Variants in ANKIB1 observed in about 807,000 individuals in gnomAD.
ANKIB1 encodes ankyrin repeat and IBR domain-containing protein 1.
Under a neutral mutation model 122.1 loss-of-function variants are expected in ANKIB1, and 43 were observed. The ratio of observed to expected loss-of-function variants is 0.35; its 90% confidence interval spans 0.28 to 0.45. The LOEUF (loss-of-function observed/expected upper bound fraction) is 0.45. Among genes scored for constraint, ANKIB1 ranks in the 20% least tolerant of loss-of-function variants. The pLI, the probability that ANKIB1 is intolerant of heterozygous loss-of-function variation, is 1.00. For missense variants in ANKIB1, 992 were observed against 1,329.5 expected, an observed-to-expected ratio of 0.75 and a Z score of 3.95; for synonymous variants, 390 against 442.0, an observed-to-expected ratio of 0.88 and a Z score of 1.48.
At position 92,398,604 on chromosome 7, in the gene ANKIB1, T is replaced by A; in HGVS notation, c.2925T>A (p.Ala975=). ...ACAATCTTCTCGGCAACATCATGGC[T>A]TGGTTTCATGACATGAACCCTCAGA... ...INDNLLGNIM[A]WFHDMNPQSI... is the part of the protein sequence containing the mutation. Residue 975 remains alanine (A), a synonymous_variant, in exon 20 of 20, where the codon GCT becomes GCA. Transcript: ENST00000265742. 6.2e-7 allele frequency: 1 copy of A among 1,613,992 alleles called. No homozygotes were observed. The highest frequency in any genetic ancestry group is 1.3e-5 in the African/African-American group (1 of 75,052).
At chr7:92,262,320 A>C (rs147997904) in intron 1 of ANKIB1, among the ~76,000 whole-genome samples, 1 of 152,338 alleles carries the variant, frequency 6.6e-6, no homozygotes, top group Admixed American at 6.5e-5. Flanking sequence ...GTCAACATGC[A>C]TAGTAATAGG....
chr7:92,398,399 G>A lies in ANKIB1; in HGVS notation c.2720G>A (p.Arg907Gln), dbSNP rs768843282. Residue 907 changes from arginine to glutamine, a missense_variant, in exon 20 of 20, where the codon CGG becomes CAG. By Grantham distance (43) the Arg-to-Gln change is conservative. Transcript: ENST00000265742. ...DSVPRNTDSP[R>Q]AALSSSELLE... Reference sequence around the variant, plus strand: ...GTCCCCAGAAATACAGATAGCCCTCGGGCTGCATTGAGCAGCTCTGAGCTT... The same window carrying A: ...GTCCCCAGAAATACAGATAGCCCTCAGGCTGCATTGAGCAGCTCTGAGCTT... The A allele has an allele frequency of 3.5e-5, 57 of 1,613,162 alleles. 1 individual carries two copies. Among genetic ancestry groups the A allele is most frequent in the African/African-American group, 2.9e-4 (22 of 74,868 alleles).
chr7:92,349,066 T>A (rs1392849533), intron 7 of ANKIB1, among the ~76,000 whole-genome samples: 1 of 152,146 alleles, frequency 6.6e-6, no homozygotes, highest in African/African-American at 2.4e-5. Flanking sequence ...AAGAGAGTCA[T>A]GTGGTTAGTA....
At chr7:92,275,238 A>G (rs553654411) in intron 1 of ANKIB1, among the ~76,000 whole-genome samples, 1 of 152,122 alleles carries the variant, frequency 6.6e-6, no homozygotes, top group East Asian at 1.9e-4. Context: ...TTCTCACTTA[A>G]TGGGATTTCA....
chr7:92,383,992 A>G (rs1484013654), intron 11 of ANKIB1, among the ~76,000 whole-genome samples: 2 of 152,190 alleles, frequency 1.3e-5, no homozygotes, highest in East Asian at 1.9e-4. Context: ...AGAAAACCCC[A>G]TCATCTCAGC....
At chr7:92,256,759 C>T (rs1191885235) in intron 1 of ANKIB1, among the ~76,000 whole-genome samples, 1 of 152,188 alleles carries the variant, frequency 6.6e-6, no homozygotes, top group Non-Finnish European at 1.5e-5. Flanking sequence ...ACCCTTGTGA[C>T]ATAAGATTAG....
At position 92,344,990 on chromosome 7, in the gene ANKIB1, A is replaced by G. The variant is rs1019336748; in HGVS notation, c.1009A>G (p.Met337Val). Reference sequence around the variant, plus strand: ...TCTTCATCTCCAGTGTGACATTTGTATGTGCAGTATCTCTGTATTTGAAGA... The same window carrying G: ...TCTTCATCTCCAGTGTGACATTTGTGTGTGCAGTATCTCTGTATTTGAAGA... Reference protein sequence around the residue: ...DLDTSLCDICMCSISVFEDPV... With the variant: ...DLDTSLCDICVCSISVFEDPV... Residue 337 changes from methionine (M) to valine (V), a missense_variant, in exon 7 of 20, where the codon ATG (methionine) becomes GTG (valine). Around this residue, in one of 4 missense-constraint regions of ANKIB1, gnomAD observed 521 missense variants for 777.7 expected, o/e 0.67. Coordinates refer to ENST00000265742, the MANE Select transcript of ANKIB1 (RefSeq NM_019004.2). The G allele has an allele frequency of 3.7e-6, 6 of 1,610,562 alleles. No homozygotes were observed. Among genetic ancestry groups the G allele is most frequent in the African/African-American group, 1.3e-5 (1 of 74,806 alleles).
chr7:92,386,496 T>G lies in ANKIB1; in HGVS notation c.1618-13T>G. On this transcript the variant is annotated splice_polypyrimidine_tract_variant and intron_variant, in intron 11 of 19. Transcript: ENST00000265742. ...ATATGGGGAGATGTTTTCATCTGTG[T>G]TTTCTTTTGAAGTGCAAGTATGACT... The G allele has an allele frequency of 5.7e-6, 9 of 1,579,736 alleles. No homozygotes were observed. Among genetic ancestry groups the G allele is most frequent in the Non-Finnish European group, 7.7e-6 (9 of 1,166,090 alleles).
intron 2 of ANKIB1, among the ~76,000 whole-genome samples, chr7:92,295,436 G>A (rs1409005042): frequency 6.6e-6 from 1 of 151,928 alleles, no homozygotes; most frequent in African/African-American, 2.4e-5. Context: ...TAATGGTGAG[G>A]TTGGTTCATG....
At chr7:92,398,173 A>C in intron 19 of ANKIB1, 39 bp from the exon 20 acceptor site, 3 of 1,525,936 alleles carry the variant, frequency 2.0e-6, no homozygotes. Flanking sequence ...AGTTTTTTTC[A>C]GTCAAATTTT....
At chr7:92,283,896 G>A (rs1802059465) in intron 1 of ANKIB1, among the ~76,000 whole-genome samples, 1 of 152,038 alleles carries the variant, frequency 6.6e-6, no homozygotes, top group African/African-American at 2.4e-5. Flanking sequence ...TCTGCTTCCT[G>A]AGTAGCTGAG....
intron 4 of ANKIB1, among the ~76,000 whole-genome samples, chr7:92,323,377 T>C (rs1802954509): frequency 6.6e-6 from 1 of 152,186 alleles, no homozygotes; most frequent in South Asian, 2.1e-4. Flanking sequence ...TTGTGCATTT[T>C]CTATGAAGTT....
At chr7:92,293,906 C>G (rs1741617734) in intron 1 of ANKIB1, among the ~76,000 whole-genome samples, 1 of 152,122 alleles carries the variant, frequency 6.6e-6, no homozygotes, top group Non-Finnish European at 1.5e-5. Context: ...ATGAAACTAG[C>G]ATTTATTGGA....
chr7:92,365,882 C>T (rs968517069), intron 10 of ANKIB1, among the ~76,000 whole-genome samples: 5 of 139,232 alleles, frequency 3.6e-5, no homozygotes, highest in Admixed American at 7.9e-5. Context: ...CTGCAAGCTC[C>T]GCCTCCCGGG....
At chr7:92,339,770 G>A (rs894351999) in intron 5 of ANKIB1, among the ~76,000 whole-genome samples, 2 of 151,918 alleles carry the variant, frequency 1.3e-5, no homozygotes, top group South Asian at 2.1e-4. Flanking sequence ...GAGTTTTCCC[G>A]ATTGCCTTGG....
intron 1 of ANKIB1, among the ~76,000 whole-genome samples, chr7:92,252,338 T>C (rs1053881008): frequency 2.6e-5 from 4 of 152,116 alleles, no homozygotes; most frequent in Non-Finnish European, 5.9e-5. Context: ...ATATTTTTTC[T>C]GTTATTTCTT....
chr7:92,374,595 G>A (rs1328300787), intron 11 of ANKIB1, among the ~76,000 whole-genome samples: 2 of 152,056 alleles, frequency 1.3e-5, no homozygotes, highest in East Asian at 1.9e-4. Flanking sequence ...TTTAAAACAA[G>A]GGTAATGAAA....
chr7:92,337,241 A>G (rs1010523171), intron 5 of ANKIB1, among the ~76,000 whole-genome samples: 2 of 152,198 alleles, frequency 1.3e-5, no homozygotes, highest in African/African-American at 4.8e-5. Flanking sequence ...TTAAGCAGGA[A>G]ATAGATTGTT....
chr7:92,283,461 T>C (rs534060884), intron 1 of ANKIB1, among the ~76,000 whole-genome samples: 373 of 152,276 alleles, frequency 2.4e-3, no homozygotes, highest in Non-Finnish European at 3.8e-3. Flanking sequence ...TAAATCAGAC[T>C]TCATTTTTAG....
Sources: allele counts gnomAD v4.1 joint callset (sites outside exome capture counted in the v4.1 genomes callset), GRCh38; gene constraint gnomAD v4.1.1; regional missense constraint gnomAD v4.1.1; transcripts MANE v1.5; gene names NCBI Gene and HGNC (gene_info 2026-07-23, HGNC 2026-07-21).